The following CYRIB variants were observed in gnomAD, a reference collection of about 807,000 sequenced individuals.
CYRIB encodes CYFIP-related Rac1 interactor B.
In CYRIB, 8 loss-of-function variants were observed where a neutral mutation model predicts 44.2. The ratio of observed to expected loss-of-function variants is 0.18; its 90% CI spans 0.11 to 0.33. CYRIB has a LOEUF of 0.33. Ranked by LOEUF, CYRIB falls within the 10% of genes least tolerant of loss-of-function variation. The pLI, the probability that CYRIB is intolerant of heterozygous loss-of-function variation, is 1.00. For synonymous variants in CYRIB, 131 were observed against 127.2 expected (o/e 1.03, Z -0.20); for missense variants, 185 against 382.8 (o/e 0.48, Z 4.31).
At chr8:129,842,202 G>A (rs1196889451) in exon 12 of CYRIB, 8 of 1,607,086 alleles carry the variant, frequency 5.0e-6, no homozygotes, top group South Asian at 1.1e-5. Flanking sequence ...GTTTTGTTGT[G>A]TACCTAAAAA....
At chr8:129,891,639 T>C (rs1014688392) in intron 2 of CYRIB, among the ~76,000 whole-genome samples, 2 of 152,228 alleles carry the variant, frequency 1.3e-5, no homozygotes, top group Non-Finnish European at 2.9e-5. Flanking sequence ...GTTAACTCAC[T>C]TGACTTAAAG....
exon 12 of CYRIB, chr8:129,840,917 T>G (rs1268096797): frequency 6.6e-6 from 1 of 152,256 alleles, no homozygotes; most frequent in Non-Finnish European, 1.5e-5. Context: ...GTTAAACATT[T>G]TAATTGTATT....
At chr8:129,846,423 T>G (rs2040046178) in intron 11 of CYRIB, among the ~76,000 whole-genome samples, 1 of 152,222 alleles carries the variant, frequency 6.6e-6, no homozygotes, top group Non-Finnish European at 1.5e-5. Context: ...AATAGTGGCT[T>G]ATCTCAAAAT....
At chr8:129,922,434 C>G (rs2084175890) in intron 1 of CYRIB, among the ~76,000 whole-genome samples, 1 of 151,958 alleles carries the variant, frequency 6.6e-6, no homozygotes, top group Non-Finnish European at 1.5e-5. Flanking sequence ...AAAGACGGTA[C>G]AGATCAGTTT....
intron 1 of CYRIB, among the ~76,000 whole-genome samples, chr8:129,927,455 C>T (rs1166170790): frequency 2.6e-5 from 4 of 151,982 alleles, no homozygotes; most frequent in Non-Finnish European, 4.4e-5. Flanking sequence ...TACAAAAGTC[C>T]CTGCAGAAAG....
intron 1 of CYRIB, among the ~76,000 whole-genome samples, chr8:130,015,422 G>A (rs1271512231): frequency 2.0e-5 from 3 of 152,084 alleles, no homozygotes; most frequent in Admixed American, 2.0e-4. Flanking sequence ...TTCACAGACG[G>A]GACCCTAAGA....
intron 1 of CYRIB, among the ~76,000 whole-genome samples, chr8:129,925,017 C>T (rs564046981): frequency 6.6e-6 from 1 of 152,298 alleles, no homozygotes; most frequent in East Asian, 1.9e-4. Context: ...AAGAGCACTA[C>T]ACGCTTTTAC....
At chr8:129,933,323 T>A (rs2092050207) in intron 1 of CYRIB, among the ~76,000 whole-genome samples, 1 of 152,032 alleles carries the variant, frequency 6.6e-6, no homozygotes. Context: ...GTCTCCCTGA[T>A]CCCCAAGATG....
chr8:129,936,998 C>T (rs539481398), intron 1 of CYRIB, among the ~76,000 whole-genome samples: 2 of 152,170 alleles, frequency 1.3e-5, no homozygotes, highest in African/African-American at 4.8e-5. Context: ...TGAGCCACTG[C>T]GCCCAGCCAG....
intron 4 of CYRIB, among the ~76,000 whole-genome samples, chr8:129,869,940 G>A (rs2056307252): frequency 6.6e-6 from 1 of 151,834 alleles, no homozygotes; most frequent in Admixed American, 6.6e-5. Context: ...GTATAATGTG[G>A]GCAAAAGAGT....
At chr8:129,922,590 G>A (rs1183984234) in intron 1 of CYRIB, among the ~76,000 whole-genome samples, 4 of 152,152 alleles carry the variant, frequency 2.6e-5, no homozygotes, top group African/African-American at 7.2e-5. Flanking sequence ...AAGGCCGGGC[G>A]CGGTGGCTCA....
intron 4 of CYRIB, among the ~76,000 whole-genome samples, chr8:129,863,452 G>C (rs1486886013): frequency 6.6e-6 from 1 of 151,854 alleles, no homozygotes; most frequent in African/African-American, 2.4e-5. Context: ...TTGAACCCGG[G>C]AAGTGGAGGC....
At position 129,930,231 on chromosome 8, in the gene CYRIB, T is replaced by C. The variant is rs192727586; in HGVS notation, c.-50+9377A>G. On this transcript the variant is annotated intron_variant, in intron 1 of 11. Transcript: ENST00000519824. Reference sequence around the variant, plus strand: ...GTCTCAAAAAAAACAAACAAACAAATAAAACTGTTCATTCATCTCTTACTT... The same window carrying C: ...GTCTCAAAAAAAACAAACAAACAAACAAAACTGTTCATTCATCTCTTACTT... 4.7e-4 allele frequency among the ~76,000 whole-genome samples: 70 copies of C among 149,926 alleles called. No homozygotes were observed. In the South Asian group the frequency reaches 0.01, roughly 22 times the overall value.
rs757986716 is a variant in CYRIB at position 129,852,297 on chromosome 8, C to A, written c.517-19G>T. On this transcript the variant is annotated intron_variant, in intron 7 of 11. Transcript: ENST00000519824. The stretch of plus-strand genomic sequence containing the variant: ...CTTCTGCCTGTGGGGAAGGTAAAAG[C>A]ACTGGATGTTAGTTCACAAATTATT... 1 of 1,439,570 alleles carries A rather than the reference C, an allele frequency of 6.9e-7. No individual in the cohort carries two copies. The highest frequency in any genetic ancestry group is 9.4e-7 in the Non-Finnish European group (1 of 1,067,760). 89.2% of individuals were successfully genotyped at this position (1,439,570 alleles called of 1,614,324 possible).
intron 1 of CYRIB, among the ~76,000 whole-genome samples, chr8:129,997,621 G>C (rs1203345267): frequency 6.6e-6 from 1 of 152,180 alleles, no homozygotes; most frequent in African/African-American, 2.4e-5. Context: ...AGAATTAATT[G>C]GTCCCTGGTG....
upstream of CYRIB, among the ~76,000 whole-genome samples, chr8:129,943,659 C>T (rs1482981877): frequency 5.1e-5 from 6 of 116,760 alleles, no homozygotes; most frequent in Non-Finnish European, 8.4e-5. Flanking sequence ...AGTGCAGTGG[C>T]GCAATCTTGG....
At chr8:129,883,112 C>CAAAAAAAAAAAAAAAAA (rs34764499) in intron 2 of CYRIB, among the ~76,000 whole-genome samples, 4 of 41,254 alleles carry the variant, frequency 9.7e-5, no homozygotes, top group South Asian at 1.3e-3. Flanking sequence ...GACTCCCTCT[C>CAAAAAAAAAAAAAAAAA]AAAAAAAAAA....
chr8:129,904,096 T>C (rs1054877448), intron 1 of CYRIB, among the ~76,000 whole-genome samples: 1 of 152,170 alleles, frequency 6.6e-6, no homozygotes, highest in African/African-American at 2.4e-5. Context: ...TAAAATGGAA[T>C]CTTCAGAATG....
chr8:129,970,279 A>G (rs1177101769), intron 2 of CYRIB, among the ~76,000 whole-genome samples: 1 of 152,212 alleles, frequency 6.6e-6, no homozygotes, highest in Non-Finnish European at 1.5e-5. Flanking sequence ...TTGGGAGTCT[A>G]GGAAACCGGG....
Sources: allele counts gnomAD v4.1 joint callset (sites outside exome capture counted in the v4.1 genomes callset), GRCh38; gene constraint gnomAD v4.1.1; transcripts MANE v1.5; gene names NCBI Gene and HGNC (gene_info 2026-07-23, HGNC 2026-07-21).